The following CSMD1 variants were observed in gnomAD, a reference collection of about 807,000 sequenced individuals.
CSMD1 encodes the protein CUB and sushi domain-containing protein 1.
In CSMD1, 213 loss-of-function variants were observed where a neutral mutation model predicts 417.5. The ratio of observed to expected loss-of-function variants is 0.51; its 90% CI spans 0.46 to 0.57. CSMD1 has a LOEUF of 0.57. Among genes scored for constraint, CSMD1 ranks in the 20% least tolerant of loss-of-function variants. The probability of loss-of-function intolerance (pLI) is 0.00; values close to 1 mark genes in which losing one functional copy is unlikely to be tolerated. For synonymous variants in CSMD1, 2,862 were observed against 1,736.8 expected (o/e 1.65, Z -16.11); for missense variants, 6,923 against 4,529.7 (o/e 1.53, Z -15.17).
intron 3 of CSMD1, among the ~76,000 whole-genome samples, chr8:4,407,350 A>G (rs1805101243): frequency 6.6e-6 from 1 of 152,236 alleles, no homozygotes; most frequent in Non-Finnish European, 1.5e-5. Flanking sequence ...TAACTTTTTT[A>G]AAACTCAATT....
intron 26 of CSMD1, among the ~76,000 whole-genome samples, chr8:3,251,926 C>G (rs1039607447): frequency 6.6e-6 from 1 of 152,176 alleles, no homozygotes; most frequent in Admixed American, 6.5e-5. Flanking sequence ...TATCCTGAGA[C>G]TTTGCTGAAG....
At chr8:4,596,651 T>G (rs576598562) in intron 2 of CSMD1, among the ~76,000 whole-genome samples, 43 of 152,332 alleles carry the variant, frequency 2.8e-4, no homozygotes, top group African/African-American at 1.0e-3. Context: ...TTATTTCCTT[T>G]TAATAGTACG....
At chr8:3,241,105 T>C (rs1038436710) in intron 26 of CSMD1, among the ~76,000 whole-genome samples, 3 of 150,898 alleles carry the variant, frequency 2.0e-5, no homozygotes, top group Non-Finnish European at 3.0e-5. Context: ...AGGCTTTGGA[T>C]TGGGAAGAAG....
chr8:3,181,085 T>C, intron 37 of CSMD1, 25 bp downstream of exon 37: 1 of 1,411,632 alleles, frequency 7.1e-7, no homozygotes, highest in Non-Finnish European at 1.0e-6. Context: ...CAGTGGAAGC[T>C]GTATACAGAA....
At chr8:4,216,806 A>T (rs369250725) in intron 3 of CSMD1, among the ~76,000 whole-genome samples, 1 of 152,150 alleles carries the variant, frequency 6.6e-6, no homozygotes, top group African/African-American at 2.4e-5. Flanking sequence ...TACACACAGA[A>T]TTCCAACACA....
At chr8:4,399,890 C>CA (rs1804532221) in intron 3 of CSMD1, among the ~76,000 whole-genome samples, 1 of 152,166 alleles carries the variant, frequency 6.6e-6, no homozygotes, top group Admixed American at 6.5e-5. Context: ...TAAATATCAT[C>CA]ATTTTAAGCT....
chr8:3,664,391 C>G (rs930002627), intron 7 of CSMD1, among the ~76,000 whole-genome samples: 6 of 152,182 alleles, frequency 3.9e-5, no homozygotes, highest in Admixed American at 3.9e-4. Flanking sequence ...GCTCCTGGTT[C>G]ACTTCAATAA....
At chr8:2,950,779 A>T (rs1263556166) in intron 66 of CSMD1, among the ~76,000 whole-genome samples, 1 of 152,186 alleles carries the variant, frequency 6.6e-6, no homozygotes, top group Admixed American at 6.5e-5. Context: ...TGATGATTTT[A>T]AAAATCTCAT....
chr8:4,056,724 C>T (rs1292682457), intron 3 of CSMD1, among the ~76,000 whole-genome samples: 4 of 151,856 alleles, frequency 2.6e-5, no homozygotes, highest in Non-Finnish European at 5.9e-5. Flanking sequence ...TGTGATGTAC[C>T]CCTTCCTGTG....
intron 8 of CSMD1, among the ~76,000 whole-genome samples, chr8:3,601,357 A>T (rs1323775466): frequency 2.0e-5 from 3 of 152,232 alleles, no homozygotes; most frequent in Non-Finnish European, 4.4e-5. Flanking sequence ...GCAGATACTG[A>T]AAGTGTTTTC....
chr8:3,149,279 G>C (rs1013716617), intron 40 of CSMD1, among the ~76,000 whole-genome samples: 21 of 152,102 alleles, frequency 1.4e-4, no homozygotes, highest in African/African-American at 4.3e-4. Flanking sequence ...AATAAGTTAA[G>C]AAAATATTTA....
At chr8:4,824,555 C>T (rs982595354) in intron 1 of CSMD1, among the ~76,000 whole-genome samples, 2 of 152,064 alleles carry the variant, frequency 1.3e-5, no homozygotes, top group African/African-American at 4.8e-5. Context: ...AATAATTACA[C>T]CACGGAAACA....
At chr8:2,960,179 G>A (rs1169478444) in intron 62 of CSMD1, among the ~76,000 whole-genome samples, 1 of 152,130 alleles carries the variant, frequency 6.6e-6, no homozygotes, top group African/African-American at 2.4e-5. Flanking sequence ...TGACAATTTG[G>A]CATTAAATAT....
At chr8:3,327,191 AGT>A (rs1377807916) in intron 23 of CSMD1, among the ~76,000 whole-genome samples, 2 of 151,206 alleles carry the variant, frequency 1.3e-5, no homozygotes, top group Non-Finnish European at 2.9e-5. Flanking sequence ...CCCAGGCTGG[AGT>A]GTGCAGTGGC....
In CSMD1 at chr8:4,038,937, G is replaced by T. The variant is rs544136209; in HGVS notation, c.416-6838C>A. ...AACACTTAATTTGGCAAGTACATAT[G>T]GTCACAATTCAGTGACTTAATTGGG... On this transcript the variant is annotated intron_variant, in intron 3 of 69. Coordinates refer to ENST00000635120, the MANE Select transcript of CSMD1 (RefSeq NM_033225.6). Among the ~76,000 whole-genome samples the T allele has an allele frequency of 4.6e-5, 7 of 152,164 alleles. No individual in the cohort carries two copies. The East Asian group carries it at 1.2e-3, about 25-fold the overall frequency.
At chr8:3,644,691 A>C (rs543180472) in intron 7 of CSMD1, among the ~76,000 whole-genome samples, 1 of 152,148 alleles carries the variant, frequency 6.6e-6, no homozygotes, top group Non-Finnish European at 1.5e-5. Flanking sequence ...ACCCAGAGCC[A>C]GTGAATGAGT....
intron 2 of CSMD1, among the ~76,000 whole-genome samples, chr8:4,461,189 T>G (rs1035370314): frequency 6.6e-6 from 1 of 151,986 alleles, no homozygotes; most frequent in Non-Finnish European, 1.5e-5. Flanking sequence ...AAATTCAACA[T>G]TCTTTGATGA....
chr8:4,051,829 C>T (rs865818259), intron 3 of CSMD1, among the ~76,000 whole-genome samples: 9 of 149,286 alleles, frequency 6.0e-5, no homozygotes, highest in Middle Eastern at 3.4e-3. Flanking sequence ...TCTCTTTCTT[C>T]TCTTTCTTTT....
intron 1 of CSMD1, among the ~76,000 whole-genome samples, chr8:4,977,655 A>T (rs1810641744): frequency 6.6e-6 from 1 of 152,160 alleles, no homozygotes; most frequent in Non-Finnish European, 1.5e-5. Context: ...GCAGACCCAG[A>T]TGCCTCACTA....
Sources: allele counts gnomAD v4.1 joint callset (sites outside exome capture counted in the v4.1 genomes callset), GRCh38; gene constraint gnomAD v4.1.1; transcripts MANE v1.5; gene names NCBI Gene and HGNC (gene_info 2026-07-23, HGNC 2026-07-21).